The following OXR1 variants were observed in gnomAD, a reference collection of about 807,000 sequenced individuals.
OXR1 encodes oxidation resistance 1, also known as oxidation resistance protein 1.
In OXR1, 41 loss-of-function variants were observed where a neutral mutation model predicts 104.6. The ratio of observed to expected loss-of-function variants is 0.39; its 90% CI spans 0.31 to 0.51. The LOEUF (loss-of-function observed/expected upper bound fraction) is 0.51. Among genes scored for constraint, OXR1 ranks in the 20% least tolerant of loss-of-function variants. The pLI is 0.77. For missense variants in OXR1, 955 were observed against 1,031.9 expected (o/e 0.93, Z 1.02); for synonymous variants, 348 against 348.4 (o/e 1.00, Z 0.01).
At chr8:106,601,603 G>T (rs1015714241) in intron 3 of OXR1, among the ~76,000 whole-genome samples, 1 of 152,090 alleles carries the variant, frequency 6.6e-6, no homozygotes, top group Non-Finnish European at 1.5e-5. Flanking sequence ...TATCCTATTG[G>T]ATTTGGGTTT....
At chr8:106,458,272 G>GA (rs1820713307) in intron 2 of OXR1, among the ~76,000 whole-genome samples, 1 of 152,134 alleles carries the variant, frequency 6.6e-6, no homozygotes. Context: ...TCTGCCATGG[G>GA]ACTCTGCTCC....
chr8:106,421,088 A>G (rs572934714), intron 2 of OXR1, among the ~76,000 whole-genome samples: 1 of 152,292 alleles, frequency 6.6e-6, no homozygotes, highest in East Asian at 1.9e-4. Flanking sequence ...ATAGTAAAAC[A>G]TAGTTCCAAA....
At chr8:106,743,541 G>A (rs1186895857) in intron 15 of OXR1, among the ~76,000 whole-genome samples, 1 of 152,110 alleles carries the variant, frequency 6.6e-6, no homozygotes, top group South Asian at 2.1e-4. Context: ...GGCTGGTCTC[G>A]AACTCCTGAC....
In OXR1 at chr8:106,580,459, T is replaced by A. The variant is rs536288197; in HGVS notation, c.220+61320T>A. On this transcript the variant is annotated intron_variant, in intron 3 of 16. Transcript: ENST00000517566. ...TGTACATATATACCACATTTGTATA[T>A]CTATTCATTCATTGGTGGACAAGTA... is the stretch of plus-strand genomic sequence containing the variant. Among the ~76,000 whole-genome samples, 3 of 152,348 alleles carry A rather than the reference T, an allele frequency of 2.0e-5. No homozygotes were observed. The East Asian group carries it at 5.8e-4, about 29-fold the overall frequency.
intron 3 of OXR1, among the ~76,000 whole-genome samples, chr8:106,546,956 A>G (rs1815403418): frequency 6.6e-6 from 1 of 152,176 alleles, no homozygotes; most frequent in African/African-American, 2.4e-5. Flanking sequence ...CAGTGATGCA[A>G]TCTCGGCTCA....
At chr8:106,702,881 A>G (rs1830711355) in intron 7 of OXR1, 25 bp from the exon 8 acceptor site, 2 of 1,572,968 alleles carry the variant, frequency 1.3e-6, no homozygotes, top group Non-Finnish European at 1.7e-6. Flanking sequence ...TGAGGATTAA[A>G]TGTTACTTTC....
At chr8:106,512,187 A>G (rs1249619842) in intron 2 of OXR1, among the ~76,000 whole-genome samples, 1 of 152,188 alleles carries the variant, frequency 6.6e-6, no homozygotes, top group Non-Finnish European at 1.5e-5. Context: ...AAAATTGCCC[A>G]ATTGCCCAAG....
intron 6 of OXR1, among the ~76,000 whole-genome samples, chr8:106,691,977 C>CACA (rs1563712064): frequency 7.5e-6 from 1 of 133,816 alleles, no homozygotes; most frequent in African/African-American, 3.2e-5. Context: ...GTGTGTGTGT[C>CACA]TATATATATA....
chr8:106,363,293 C>T (rs117495968), intron 2 of OXR1, among the ~76,000 whole-genome samples: 7,602 of 152,194 alleles, frequency 0.05, 272 homozygotes, highest in Non-Finnish European at 0.074. Flanking sequence ...GTGATAAGCG[C>T]TTTAAAAGAT....
intron 1 of OXR1, among the ~76,000 whole-genome samples, chr8:106,303,241 TTTCTTTC>T (rs1813329214): frequency 7.9e-6 from 1 of 126,744 alleles, no homozygotes; most frequent in Non-Finnish European, 1.6e-5. Context: ...GCAATTTTTT[TTTCTTTC>T]TTTTTTTTTT....
intron 1 of OXR1, among the ~76,000 whole-genome samples, chr8:106,282,951 AT>A (rs1214836490): frequency 3.9e-5 from 6 of 152,228 alleles, no homozygotes; most frequent in Non-Finnish European, 2.9e-5. Context: ...CATTTTTAGA[AT>A]GTATTATAGG....
chr8:106,423,695 C>T (rs903515482), intron 2 of OXR1, among the ~76,000 whole-genome samples: 7 of 152,100 alleles, frequency 4.6e-5, no homozygotes, highest in African/African-American at 1.4e-4. Flanking sequence ...GATTTGTGCA[C>T]GTGGGCAGTA....
At chr8:106,274,974 A>G (rs1239319935) in intron 1 of OXR1, among the ~76,000 whole-genome samples, 1 of 152,244 alleles carries the variant, frequency 6.6e-6, no homozygotes, top group African/African-American at 2.4e-5. Flanking sequence ...TTGTAAACTC[A>G]GCAGTAGCAG....
At chr8:106,357,386 G>T (rs1248948969) in intron 1 of OXR1, among the ~76,000 whole-genome samples, 1 of 152,122 alleles carries the variant, frequency 6.6e-6, no homozygotes, top group Non-Finnish European at 1.5e-5. Context: ...AGGATAGACA[G>T]CCTCTTTTGG....
chr8:106,710,116 G>T (rs572217792), intron 9 of OXR1, among the ~76,000 whole-genome samples: 1 of 152,046 alleles, frequency 6.6e-6, no homozygotes, highest in Non-Finnish European at 1.5e-5. Context: ...GTCCAAACAG[G>T]TGGCAGAATC....
rs766800752 is a variant in OXR1, at chr8:106,713,996, A to G, written c.1956+11A>G. On this transcript the variant is annotated intron_variant, in intron 11 of 16. Coordinates refer to ENST00000517566, the MANE Select transcript of OXR1 (RefSeq NM_001198533.2). ...GCCAGAGAATGGGAGGTAAGGAGAA[A>G]AATATGAAGATTTTAGTCATCTTTT... is the stretch of plus-strand genomic sequence containing the variant. 1 of 1,548,480 alleles carries G rather than the reference A, an allele frequency of 6.5e-7. No homozygotes were observed. Among genetic ancestry groups the G allele is most frequent in the East Asian group, 2.4e-5 (1 of 41,402 alleles).
chr8:106,734,015 G>C (rs527645482), intron 11 of OXR1, among the ~76,000 whole-genome samples: 1 of 145,658 alleles, frequency 6.9e-6, no homozygotes, highest in East Asian at 2.1e-4. Flanking sequence ...TTTTAAGACA[G>C]GATTTTGCTC....
In OXR1 at chr8:106,606,063, T is replaced by A. The variant is rs577161860; in HGVS notation, c.221-73147T>A. Among the ~76,000 whole-genome samples the A allele has an allele frequency of 8.9e-4, 135 of 152,148 alleles. 1 individual carries two copies. Among genetic ancestry groups the A allele is most frequent in the African/African-American group, 3.2e-3 (131 of 41,516 alleles). On this transcript the variant is annotated intron_variant, in intron 3 of 16. Transcript: ENST00000517566. The stretch of plus-strand genomic sequence containing the variant: ...AGTTAGTGGCTTAAAACAAATTTAT[T>A]ATATTAAGTCCCAGCATTCTGAAGT...
At chr8:106,376,664 T>G (rs1301928584) in intron 2 of OXR1, among the ~76,000 whole-genome samples, 1 of 152,248 alleles carries the variant, frequency 6.6e-6, no homozygotes, top group Non-Finnish European at 1.5e-5. Flanking sequence ...TAAATGATCA[T>G]TGATGTCACT....
Sources: allele counts gnomAD v4.1 joint callset (sites outside exome capture counted in the v4.1 genomes callset), GRCh38; gene constraint gnomAD v4.1.1; transcripts MANE v1.5; gene names NCBI Gene and HGNC (gene_info 2026-07-23, HGNC 2026-07-21).